Variants in BMP5 observed in about 807,000 individuals in gnomAD.
BMP5 encodes bone morphogenetic protein 5.
In BMP5, 23 loss-of-function variants were observed where a neutral mutation model predicts 46.6. That is an observed-to-expected ratio of 0.49 (90% CI 0.35 to 0.70). The LOEUF is 0.70. BMP5 is among the 30% of genes least tolerant of loss of function. The probability of loss-of-function intolerance (pLI) is 0.00; values close to 1 mark genes in which losing one functional copy is unlikely to be tolerated. For missense variants in BMP5, 545 were observed against 565.6 expected (o/e 0.96, Z 0.37); for synonymous variants, 204 against 191.9 (o/e 1.06, Z -0.52).
chr6:55,841,302 C>A (rs1159901489), intron 1 of BMP5, among the ~76,000 whole-genome samples: 1 of 151,750 alleles, frequency 6.6e-6, no homozygotes, highest in East Asian at 1.9e-4. Context: ...TATTTATTTT[C>A]TCTTCTCTCC....
chr6:55,854,982 C>G (rs954933235), intron 1 of BMP5, among the ~76,000 whole-genome samples: 2 of 151,874 alleles, frequency 1.3e-5, no homozygotes, highest in Non-Finnish European at 2.9e-5. Context: ...TAGTCTGGAC[C>G]AATTTATGTA....
At chr6:55,845,400 T>TG (rs1777074508) in intron 1 of BMP5, among the ~76,000 whole-genome samples, 1 of 151,614 alleles carries the variant, frequency 6.6e-6, no homozygotes, top group African/African-American at 2.4e-5. Flanking sequence ...GAGCAACTCT[T>TG]GAAAAAAAAA....
chr6:55,853,079 G>A (rs1187367379), intron 1 of BMP5, among the ~76,000 whole-genome samples: 2 of 151,192 alleles, frequency 1.3e-5, no homozygotes, highest in East Asian at 3.9e-4. Flanking sequence ...GCAGTGAGCC[G>A]AGATCGCACC....
rs149332935 is a variant in BMP5 at position 55,813,595 on chromosome 6, C to T, written c.683+6060G>A. ...ACGAGGTCAGGAGACTGAAACCATC[C>T]TGGCTAACGGTGAAACCCCGTCTCT... On this transcript the variant is annotated intron_variant, in intron 2 of 6. Coordinates refer to ENST00000370830, the MANE Select transcript of BMP5 (RefSeq NM_021073.4). Among the ~76,000 whole-genome samples the T allele has an allele frequency of 9.5e-3, 1,443 of 151,976 alleles. 26 individuals carry two copies. Among genetic ancestry groups the T allele is most frequent in the African/African-American group, 0.033 (1,383 of 41,472 alleles).
intron 1 of BMP5, among the ~76,000 whole-genome samples, chr6:55,838,226 C>A (rs752115249): frequency 1.3e-5 from 2 of 152,156 alleles, no homozygotes; most frequent in Non-Finnish European, 2.9e-5. Context: ...AAACTGTTCT[C>A]CATAGTGGTT....
intron 1 of BMP5, among the ~76,000 whole-genome samples, chr6:55,869,788 G>A (rs1484260969): frequency 1.3e-5 from 2 of 152,154 alleles, no homozygotes; most frequent in Non-Finnish European, 2.9e-5. Context: ...TGATGCCCTG[G>A]GGAGCTTTTC....
chr6:55,788,624 CTTTA>C (rs1371845203), intron 3 of BMP5, among the ~76,000 whole-genome samples: 1 of 151,806 alleles, frequency 6.6e-6, no homozygotes, highest in African/African-American at 2.4e-5. Context: ...TCATACAGAA[CTTTA>C]TTTGTGCCCT....
chr6:55,760,196 T>G (rs1562023994), intron 5 of BMP5, among the ~76,000 whole-genome samples: 1 of 152,020 alleles, frequency 6.6e-6, no homozygotes, highest in East Asian at 1.9e-4. Context: ...ACAACGGCAC[T>G]CTTTTTTTTC....
At chr6:55,764,719 T>C (rs1345094471) in intron 4 of BMP5, among the ~76,000 whole-genome samples, 1 of 124,942 alleles carries the variant, frequency 8.0e-6, no homozygotes, top group Non-Finnish European at 1.7e-5. Flanking sequence ...ATGTGTAAGC[T>C]AAAAAAAAAA....
intron 2 of BMP5, among the ~76,000 whole-genome samples, chr6:55,808,230 C>T (rs1470077764): frequency 6.6e-6 from 1 of 152,104 alleles, no homozygotes; most frequent in African/African-American, 2.4e-5. Flanking sequence ...AGGGATGGGT[C>T]AAGGTCAGGC....
chr6:55,757,820 G>A (rs1001178490), intron 6 of BMP5, among the ~76,000 whole-genome samples: 3 of 151,830 alleles, frequency 2.0e-5, no homozygotes, highest in Non-Finnish European at 4.4e-5. Flanking sequence ...CTTTGATAAC[G>A]TTCATGCTCT....
chr6:55,791,533 C>T (rs1011202271), intron 3 of BMP5, among the ~76,000 whole-genome samples: 4 of 151,974 alleles, frequency 2.6e-5, no homozygotes, highest in Non-Finnish European at 5.9e-5. Context: ...TAAAAAATAA[C>T]ATACTAGTAA....
rs1349130882 is a variant in BMP5, at chr6:55,874,483, T to G, written c.383A>C (p.Gln128Pro). ...ASPNGYPRRI[Q>P]LSRTTPLTTQ... ...GGTCAGAGGAGTCGTCCGAGATAAC[T>G]GTATGCGACGAGGATACCCATTGGG... is the stretch of plus-strand genomic sequence containing the variant. Residue 128 changes from glutamine (Q) to proline (P), a missense_variant, in exon 1 of 7, where the codon CAG becomes CCG. By Grantham distance (76) the Gln-to-Pro change is moderately conservative. Coordinates refer to ENST00000370830, the MANE Select transcript of BMP5 (RefSeq NM_021073.4). The G allele has an allele frequency of 6.2e-7, 1 of 1,613,418 alleles. No homozygotes were observed. Among genetic ancestry groups the G allele is most frequent in the South Asian group, 1.1e-5 (1 of 91,070 alleles).
intron 6 of BMP5, among the ~76,000 whole-genome samples, chr6:55,756,583 C>T (rs1774607482): frequency 6.6e-6 from 1 of 151,950 alleles, no homozygotes; most frequent in Non-Finnish European, 1.5e-5. Context: ...GGAAATCCCA[C>T]TGATGAGTCT....
At chr6:55,806,961 G>GATT (rs1228401402) in intron 2 of BMP5, among the ~76,000 whole-genome samples, 1 of 152,170 alleles carries the variant, frequency 6.6e-6, no homozygotes, top group African/African-American at 2.4e-5. Context: ...AACTTAAGGA[G>GATT]TTTGGGGGCT....
rs145284689 is a variant in BMP5, at chr6:55,856,251, A to G, written c.490+18125T>C. Among the ~76,000 whole-genome samples the G allele has an allele frequency of 2.1e-3, 313 of 152,296 alleles. 2 individuals carry two copies. Among genetic ancestry groups the G allele is most frequent in the African/African-American group, 7.1e-3 (297 of 41,566 alleles). On this transcript the variant is annotated intron_variant, in intron 1 of 6. Transcript: ENST00000370830. ...TAATGTTGCCAAGAAGTCTAATTCA[A>G]TGGGTGTGTCACTGCTTATTCAGTC...
Position 55,756,095 on chromosome 6 carries a change from T to C in BMP5, c.1216-413A>G, listed in dbSNP as rs2127513733. Among the ~76,000 whole-genome samples the C allele has an allele frequency of 2.0e-5, 3 of 152,116 alleles. No homozygotes were observed. In the South Asian group the frequency reaches 6.2e-4, roughly 31 times the overall value. The stretch of plus-strand genomic sequence containing the variant: ...ACATAGTTGCAGAAAGATTTGGATC[T>C]AAGAATTATCTTTTAAAAGGAAAAT... On this transcript the variant is annotated intron_variant, in intron 6 of 6. Transcript: ENST00000370830.
chr6:55,853,175 A>G (rs189115061), intron 1 of BMP5, among the ~76,000 whole-genome samples: 30 of 129,654 alleles, frequency 2.3e-4, no homozygotes, highest in East Asian at 9.0e-4. Context: ...AATAAAATAA[A>G]ATAAAATAAA....
chr6:55,823,107 T>G (rs1427008306), intron 1 of BMP5, among the ~76,000 whole-genome samples: 1 of 151,970 alleles, frequency 6.6e-6, no homozygotes, highest in African/African-American at 2.4e-5. Flanking sequence ...AATAAGAAAT[T>G]GGGTGATGAC....
Sources: allele counts gnomAD v4.1 joint callset (sites outside exome capture counted in the v4.1 genomes callset), GRCh38; gene constraint gnomAD v4.1.1; transcripts MANE v1.5; gene names NCBI Gene and HGNC (gene_info 2026-07-23, HGNC 2026-07-21).